NRG1: variants seen among roughly 807,000 people sequenced by gnomAD.
NRG1 encodes neuregulin 1.
In NRG1, 18 loss-of-function variants were observed where a neutral mutation model predicts 63.8. The observed-to-expected ratio is 0.28, with a 90% CI of 0.19 to 0.42. NRG1 has a LOEUF of 0.42. Among genes scored for constraint, NRG1 ranks in the 10% least tolerant of loss-of-function variants. The pLI, the probability that NRG1 is intolerant of heterozygous loss-of-function variation, is 1.00. For missense variants in NRG1, 762 were observed against 814.7 expected (o/e 0.94, Z 0.79); for synonymous variants, 302 against 301.3 (o/e 1.00, Z -0.02).
intron 5 of NRG1, among the ~76,000 whole-genome samples, chr8:32,630,002 T>G (rs1849991802): frequency 6.6e-6 from 1 of 152,212 alleles, no homozygotes; most frequent in African/African-American, 2.4e-5. Context: ...AGTCCCATTA[T>G]GTAGATGTAG....
intron 1 of NRG1, among the ~76,000 whole-genome samples, chr8:31,815,451 T>A (rs1293319304): frequency 6.6e-6 from 1 of 152,208 alleles, no homozygotes; most frequent in Non-Finnish European, 1.5e-5. Flanking sequence ...GACTGAATAA[T>A]CATCCATTTA....
intron 1 of NRG1, among the ~76,000 whole-genome samples, chr8:32,178,836 G>A (rs954947538): frequency 1.3e-5 from 2 of 151,926 alleles, no homozygotes; most frequent in Non-Finnish European, 2.9e-5. Context: ...TGAAGAAGAG[G>A]GAGGAGTCAG....
intron 1 of NRG1, among the ~76,000 whole-genome samples, chr8:32,514,417 T>C (rs1018465405): frequency 5.3e-5 from 8 of 152,174 alleles, no homozygotes; most frequent in Middle Eastern, 3.2e-3. Context: ...GTTTTTAACA[T>C]GCTTCATGCT....
intron 1 of NRG1, among the ~76,000 whole-genome samples, chr8:32,434,957 C>T (rs1325120975): frequency 6.6e-6 from 1 of 152,094 alleles, no homozygotes; most frequent in East Asian, 1.9e-4. Context: ...AGTTGAGCAT[C>T]TGCAGATTTT....
intron 1 of NRG1, among the ~76,000 whole-genome samples, chr8:31,808,661 G>A (rs1185910774): frequency 6.6e-6 from 1 of 151,904 alleles, no homozygotes; most frequent in African/African-American, 2.4e-5. Flanking sequence ...AGACCTGTGA[G>A]TAAAAATATT....
At chr8:31,930,458 A>AATT (rs1468405650) in intron 1 of NRG1, among the ~76,000 whole-genome samples, 10 of 152,092 alleles carry the variant, frequency 6.6e-5, no homozygotes, top group Non-Finnish European at 1.3e-4. Context: ...AAATCACAAT[A>AATT]ATTATTATGT....
intron 1 of NRG1, among the ~76,000 whole-genome samples, chr8:32,506,718 TG>T (rs1172077181): frequency 6.6e-6 from 1 of 151,420 alleles, no homozygotes; most frequent in Non-Finnish European, 1.5e-5. Flanking sequence ...GGGGGGTATG[TG>T]GGGGGATCTT....
chr8:32,410,755 G>A (rs992598310), intron 1 of NRG1, among the ~76,000 whole-genome samples: 2 of 152,018 alleles, frequency 1.3e-5, no homozygotes, highest in African/African-American at 4.8e-5. Flanking sequence ...CTGCTTCTTA[G>A]TGGGACACCA....
At chr8:31,739,946 C>T (rs1182371561) in intron 1 of NRG1, among the ~76,000 whole-genome samples, 1 of 152,036 alleles carries the variant, frequency 6.6e-6, no homozygotes, top group African/African-American at 2.4e-5. Flanking sequence ...AGGCACTACC[C>T]TCTGAGAGAG....
At chr8:32,658,613 T>A (rs1393000118) in intron 5 of NRG1, among the ~76,000 whole-genome samples, 3 of 118,480 alleles carry the variant, frequency 2.5e-5, no homozygotes, top group African/African-American at 5.7e-5. Context: ...AAATCTCTTA[T>A]TTTATCACAG....
At chr8:31,894,593 C>G (rs1831417832) in intron 1 of NRG1, among the ~76,000 whole-genome samples, 1 of 149,284 alleles carries the variant, frequency 6.7e-6, no homozygotes, top group South Asian at 2.1e-4. Flanking sequence ...CTCTGTCGCC[C>G]AGGCTGGAGT....
At chr8:32,741,360 G>A (rs544310728) in intron 6 of NRG1, among the ~76,000 whole-genome samples, 48 of 152,202 alleles carry the variant, frequency 3.2e-4, no homozygotes, top group African/African-American at 1.0e-3. Context: ...ATTTGTCTTT[G>A]ATTTGGGATA....
chr8:31,674,624 C>A (rs186555282), intron 1 of NRG1, among the ~76,000 whole-genome samples: 101 of 151,642 alleles, frequency 6.7e-4, no homozygotes, highest in African/African-American at 2.2e-3. Context: ...TACTCAAGAT[C>A]TTGTAAGCTT....
chr8:32,200,733 A>G (rs899518815), intron 1 of NRG1, among the ~76,000 whole-genome samples: 1 of 152,192 alleles, frequency 6.6e-6, no homozygotes, highest in East Asian at 1.9e-4. Flanking sequence ...CTGGAAGCAG[A>G]AAGTCCCTCC....
intron 1 of NRG1, among the ~76,000 whole-genome samples, chr8:31,729,744 G>A (rs1813829639): frequency 1.3e-5 from 2 of 152,136 alleles, no homozygotes; most frequent in South Asian, 4.1e-4. Flanking sequence ...CAAACAGAAT[G>A]TAAGGTTTTG....
chr8:31,717,321 C>T (rs1290461511), intron 1 of NRG1, among the ~76,000 whole-genome samples: 2 of 151,136 alleles, frequency 1.3e-5, no homozygotes, highest in African/African-American at 4.9e-5. Context: ...CCAGGAGAAT[C>T]ACTTGAACCC....
intron 1 of NRG1, among the ~76,000 whole-genome samples, chr8:31,660,146 A>G (rs1464200667): frequency 2.0e-5 from 3 of 152,330 alleles, no homozygotes; most frequent in East Asian, 1.9e-4. Context: ...TAATGTAAAT[A>G]ATAAAAGTAA....
chr8:32,723,705 AAAAAAAAAAAAAAC>A (rs1291841275), intron 5 of NRG1, among the ~76,000 whole-genome samples: 35 of 149,020 alleles, frequency 2.3e-4, no homozygotes, highest in African/African-American at 7.6e-4. Flanking sequence ...AAAAAAAAAA[AAAAAAAAAAAAAAC>A]AATTGTGGAA....
At chr8:32,335,208 A>G (rs1803113722) in intron 1 of NRG1, among the ~76,000 whole-genome samples, 1 of 152,228 alleles carries the variant, frequency 6.6e-6, no homozygotes, top group East Asian at 1.9e-4. Context: ...TTATTAACTG[A>G]AAATTTACAA....
Sources: allele counts gnomAD v4.1 joint callset (sites outside exome capture counted in the v4.1 genomes callset), GRCh38; gene constraint gnomAD v4.1.1; transcripts MANE v1.5; gene names NCBI Gene and HGNC (gene_info 2026-07-23, HGNC 2026-07-21).